The following GPR158 variants were observed in gnomAD, a reference collection of about 807,000 sequenced individuals.
The protein encoded by GPR158 is metabotropic glycine receptor.
Under a neutral mutation model 78.2 loss-of-function variants are expected in GPR158, and 30 were observed. The ratio of observed to expected loss-of-function variants is 0.38; its 90% CI spans 0.29 to 0.52. The LOEUF (loss-of-function observed/expected upper bound fraction) is 0.52. Among genes scored for constraint, GPR158 ranks in the 20% least tolerant of loss-of-function variants. The pLI is 0.83. For missense variants in GPR158, 1,463 were observed against 1,523.5 expected (o/e 0.96, Z 0.66); for synonymous variants, 581 against 591.1 (o/e 0.98, Z 0.25).
At position 25,469,833 on chromosome 10, in the gene GPR158, C is replaced by G. The variant is rs184399177; in HGVS notation, c.1404+3114C>G. Among the ~76,000 whole-genome samples the G allele has an allele frequency of 3.0e-4, 45 of 150,942 alleles. No homozygotes were observed. The East Asian group carries it at 6.9e-3, about 23-fold the overall frequency. On this transcript the variant is annotated intron_variant, in intron 5 of 10. Coordinates refer to ENST00000376351, the MANE Select transcript of GPR158 (RefSeq NM_020752.3). ...AAGATGCAGCAAGAATCTAATGAGC[C>G]CCCCCCAACATTCACTGCTACCACC... is the stretch of plus-strand genomic sequence containing the variant.
chr10:25,594,163 A>G (rs552727753), intron 8 of GPR158, 129 bp from the exon 9 acceptor site: 23 of 613,324 alleles, frequency 3.8e-5, no homozygotes, highest in Middle Eastern at 4.1e-4. Flanking sequence ...AATATATGCC[A>G]TAGAAATAGT....
At position 25,436,190 on chromosome 10, in the gene GPR158, C is replaced by T. The variant is rs375398108; in HGVS notation, c.1335+23717C>T. On this transcript the variant is annotated intron_variant, in intron 4 of 10. Coordinates refer to ENST00000376351, the MANE Select transcript of GPR158 (RefSeq NM_020752.3). The stretch of plus-strand genomic sequence containing the variant: ...TAATGTTATAGCATAAGTGTGTGCC[C>T]GGTGTTACATGAGACATGTGTATAC... Among the ~76,000 whole-genome samples, 14 of 152,074 alleles carry T rather than the reference C, an allele frequency of 9.2e-5. 1 individual carries two copies. The highest frequency in any genetic ancestry group is 6.5e-4 in the Admixed American group (10 of 15,272).
chr10:25,416,736 T>C (rs1236891244), intron 4 of GPR158, among the ~76,000 whole-genome samples: 1 of 152,158 alleles, frequency 6.6e-6, no homozygotes, highest in Non-Finnish European at 1.5e-5. Context: ...ATTTTATCGA[T>C]AAGAAAATCC....
At chr10:25,590,906 T>C (rs956591385) in intron 8 of GPR158, among the ~76,000 whole-genome samples, 6 of 152,216 alleles carry the variant, frequency 3.9e-5, no homozygotes, top group Non-Finnish European at 8.8e-5. Context: ...AAGTTTACTC[T>C]GTTCAGTTTT....
chr10:25,536,764 G>A (rs1836506621), intron 5 of GPR158, among the ~76,000 whole-genome samples: 1 of 152,148 alleles, frequency 6.6e-6, no homozygotes, highest in African/African-American at 2.4e-5. Flanking sequence ...GTTATCTTGG[G>A]CTGGCAGGCT....
At chr10:25,398,200 A>G (rs988152452) in intron 3 of GPR158, among the ~76,000 whole-genome samples, 15 of 152,336 alleles carry the variant, frequency 9.8e-5, no homozygotes, top group Non-Finnish European at 2.2e-4. Flanking sequence ...CTGTGCCAAG[A>G]CTTCTATTCA....
At chr10:25,281,445 G>A (rs916688957) in intron 2 of GPR158, among the ~76,000 whole-genome samples, 2 of 151,002 alleles carry the variant, frequency 1.3e-5, no homozygotes, top group Non-Finnish European at 2.9e-5. Context: ...GGGCATGGTG[G>A]CACATGACTG....
At chr10:25,257,781 G>A (rs113573557) in intron 2 of GPR158, among the ~76,000 whole-genome samples, 3,009 of 152,082 alleles carry the variant, frequency 0.02, 85 homozygotes, top group South Asian at 0.058. Context: ...TATACTTTGC[G>A]AGTTACATGG....
At chr10:25,281,733 T>C (rs982238918) in intron 2 of GPR158, among the ~76,000 whole-genome samples, 1 of 151,902 alleles carries the variant, frequency 6.6e-6, no homozygotes, top group Admixed American at 6.6e-5. Flanking sequence ...AAGAGTAGAA[T>C]AAGCCAAGAG....
intron 9 of GPR158, among the ~76,000 whole-genome samples, 198 bp from the exon 10 acceptor site, chr10:25,596,445 G>A (rs1460471071): frequency 6.6e-6 from 1 of 152,026 alleles, no homozygotes; most frequent in Non-Finnish European, 1.5e-5. Flanking sequence ...TCTCCTGGCT[G>A]AGCAACATAG....
chr10:25,218,858 A>ATT (rs56872059), intron 1 of GPR158, among the ~76,000 whole-genome samples: 16 of 147,644 alleles, frequency 1.1e-4, no homozygotes, highest in African/African-American at 3.0e-4. Context: ...CATGGAACTT[A>ATT]TTTTTTTTTT....
At chr10:25,591,418 G>A (rs1837339193) in intron 8 of GPR158, among the ~76,000 whole-genome samples, 2 of 152,114 alleles carry the variant, frequency 1.3e-5, no homozygotes, top group Admixed American at 1.3e-4. Context: ...CTACTTTGCT[G>A]TAAATCTTTC....
intron 4 of GPR158, among the ~76,000 whole-genome samples, chr10:25,464,405 A>T (rs1352738814): frequency 6.6e-6 from 1 of 152,148 alleles, no homozygotes; most frequent in African/African-American, 2.4e-5. Flanking sequence ...GCATTAAACA[A>T]AATTTGACTG....
At position 25,298,681 on chromosome 10, in the gene GPR158, T is replaced by A. The variant is rs74126527; in HGVS notation, c.1008+77524T>A. ...GCATGAATCATAATCATAAACATCA[T>A]GGCCTGTGTACTTCTCAGCAGTTTG... On this transcript the variant is annotated intron_variant, in intron 2 of 10. Coordinates refer to ENST00000376351, the MANE Select transcript of GPR158 (RefSeq NM_020752.3). Among the ~76,000 whole-genome samples the A allele has an allele frequency of 4.1e-3, 622 of 152,316 alleles. 5 individuals carry two copies. Among genetic ancestry groups the A allele is most frequent in the African/African-American group, 0.014 (581 of 41,582 alleles).
At chr10:25,320,429 T>C (rs1419489624) in intron 2 of GPR158, among the ~76,000 whole-genome samples, 3 of 152,216 alleles carry the variant, frequency 2.0e-5, no homozygotes, top group Non-Finnish European at 4.4e-5. Flanking sequence ...GTGGGTCTGC[T>C]CTTCACACTT....
chr10:25,477,682 C>A (rs569813967), intron 5 of GPR158, among the ~76,000 whole-genome samples: 1 of 151,728 alleles, frequency 6.6e-6, no homozygotes, highest in East Asian at 1.9e-4. Flanking sequence ...GAAAAAAAAA[C>A]GAAATTGGAA....
intron 5 of GPR158, among the ~76,000 whole-genome samples, chr10:25,548,794 C>A (rs956126756): frequency 2.6e-5 from 4 of 152,068 alleles, no homozygotes; most frequent in African/African-American, 7.2e-5. Context: ...AATTTCATTT[C>A]TTATTATTTT....
At chr10:25,405,618 A>C (rs1380763458) in intron 3 of GPR158, among the ~76,000 whole-genome samples, 1 of 140,102 alleles carries the variant, frequency 7.1e-6, no homozygotes, top group Non-Finnish European at 1.5e-5. Flanking sequence ...TAGTTTGATT[A>C]GCCCAGATCT....
chr10:25,222,340 G>A (rs577840021), intron 2 of GPR158, among the ~76,000 whole-genome samples: 9 of 119,388 alleles, frequency 7.5e-5, no homozygotes, highest in Admixed American at 1.0e-4. Context: ...AGAAGCCCCC[G>A]TAATGCTCCC....
Sources: gnomAD v4.1 joint callset for allele counts (sites outside exome capture counted in the v4.1 genomes callset) on GRCh38, gnomAD v4.1.1 for gene constraint, MANE v1.5 for transcripts, NCBI Gene and HGNC (gene_info 2026-07-23, HGNC 2026-07-21) for gene names.